COL22A1: variants seen among roughly 807,000 people sequenced by gnomAD.
COL22A1 encodes the protein collagen alpha-1(XXII) chain.
Under a neutral mutation model 248.9 loss-of-function variants are expected in COL22A1, and 221 were observed. That is an observed-to-expected ratio of 0.89 (90% confidence interval 0.80 to 0.99). The LOEUF is 0.99. Among genes scored for constraint, COL22A1 ranks in the 50% least tolerant of loss-of-function variants. The pLI, the probability that COL22A1 is intolerant of heterozygous loss-of-function variation, is 0.00. For synonymous variants in COL22A1, 891 were observed against 793.4 expected, an observed-to-expected ratio of 1.12 and a Z score of -2.07; for missense variants, 2,240 against 2,179.0, an observed-to-expected ratio of 1.03 and a Z score of -0.56.
At chr8:138,708,986 C>A (rs1244184789) in intron 30 of COL22A1, among the ~76,000 whole-genome samples, 1 of 152,148 alleles carries the variant, frequency 6.6e-6, no homozygotes, top group Non-Finnish European at 1.5e-5. Context: ...AGGATATGAA[C>A]AGACACTTCT....
At chr8:138,899,507 G>A (rs186650722) in intron 1 of COL22A1, among the ~76,000 whole-genome samples, 20 of 152,118 alleles carry the variant, frequency 1.3e-4, no homozygotes, top group South Asian at 1.2e-3. Context: ...GCATTAATAC[G>A]TCTTTGCTAT....
At chr8:138,776,412 G>A (rs908720956) in intron 15 of COL22A1, among the ~76,000 whole-genome samples, 1 of 152,118 alleles carries the variant, frequency 6.6e-6, no homozygotes, top group African/African-American at 2.4e-5. Context: ...GGGTCCCAAC[G>A]TTGAATCAGA....
intron 4 of COL22A1, among the ~76,000 whole-genome samples, chr8:138,833,538 G>GACA (rs1820211424): frequency 6.6e-6 from 1 of 152,226 alleles, no homozygotes; most frequent in Non-Finnish European, 1.5e-5. Flanking sequence ...GCCACTCACG[G>GACA]CTTTCCTTCC....
intron 49 of COL22A1, among the ~76,000 whole-genome samples, chr8:138,630,965 G>C (rs1820671879): frequency 6.6e-6 from 1 of 152,142 alleles, no homozygotes; most frequent in African/African-American, 2.4e-5. Flanking sequence ...CAATCCCCTT[G>C]GTGATAAGTG....
chr8:138,591,367 T>A lies in COL22A1; in HGVS notation c.4693+57A>T. The A allele has an allele frequency of 2.2e-6, 3 of 1,338,008 alleles. No homozygotes were observed. In the South Asian group the frequency reaches 4.8e-5, roughly 21 times the overall value. 82.9% of individuals were successfully genotyped at this position (1,338,008 alleles called of 1,614,324 possible). A position where few individuals can be genotyped will look rare whatever the true frequency, so the allele number is the denominator to read the frequency against. On this transcript the variant is annotated intron_variant, in intron 64 of 64. Coordinates refer to ENST00000303045, the MANE Select transcript of COL22A1 (RefSeq NM_152888.3). The stretch of plus-strand genomic sequence containing the variant: ...AGTCCTGTGGGGCCACGGGCAGGGG[T>A]GCTGGGTCTCCAGGGTAGCTCACAC...
intron 47 of COL22A1, among the ~76,000 whole-genome samples, chr8:138,637,693 T>C (rs1191293416): frequency 6.6e-6 from 1 of 152,200 alleles, no homozygotes; most frequent in Non-Finnish European, 1.5e-5. Context: ...AATAGTATCT[T>C]TGTCATGGGG....
intron 1 of COL22A1, among the ~76,000 whole-genome samples, chr8:138,899,433 A>C (rs1814380914): frequency 6.6e-6 from 1 of 152,230 alleles, no homozygotes; most frequent in Non-Finnish European, 1.5e-5. Context: ...TCAAGGGTTC[A>C]GTCAGTGCTG....
intron 3 of COL22A1, among the ~76,000 whole-genome samples, chr8:138,856,238 A>G (rs1031168558): frequency 2.2e-4 from 33 of 152,112 alleles, no homozygotes; most frequent in African/African-American, 7.5e-4. Flanking sequence ...CTGTGTGAGC[A>G]CTCCCAACAG....
At chr8:138,765,534 TC>T (rs1833846293) in intron 16 of COL22A1, among the ~76,000 whole-genome samples, 1 of 152,182 alleles carries the variant, frequency 6.6e-6, no homozygotes, top group African/African-American at 2.4e-5. Context: ...GAGGCGGACA[TC>T]CGGGCCTGAG....
intron 3 of COL22A1, among the ~76,000 whole-genome samples, chr8:138,869,823 AAACCCAC>A (rs1823181383): frequency 6.6e-6 from 1 of 152,144 alleles, no homozygotes; most frequent in African/African-American, 2.4e-5. Context: ...TGGCGGCTCC[AAACCCAC>A]AACCCACACT....
Position 138,631,245 on chromosome 8 carries a change from A to G in COL22A1, c.3610-497T>C, listed in dbSNP as rs553237327. Reference sequence around the variant, plus strand: ...TAAAAACATCCTAATATAGCAACACACAGATCTTACATTCTGTGCCCCTTC... The same window carrying G: ...TAAAAACATCCTAATATAGCAACACGCAGATCTTACATTCTGTGCCCCTTC... On this transcript the variant is annotated intron_variant, in intron 49 of 64. Coordinates refer to ENST00000303045, the MANE Select transcript of COL22A1 (RefSeq NM_152888.3). Among the ~76,000 whole-genome samples, 18 of 152,294 alleles carry G rather than the reference A, an allele frequency of 1.2e-4. No homozygotes were observed. In the South Asian group the frequency reaches 3.7e-3, roughly 32 times the overall value.
intron 25 of COL22A1, among the ~76,000 whole-genome samples, chr8:138,722,850 C>CGGGGGGGGGGGG (rs1171912230): frequency 8.4e-5 from 1 of 11,846 alleles, no homozygotes. Flanking sequence ...CACATGGGGG[C>CGGGGGGGGGGGG]GGGGGGGGGG....
At chr8:138,711,051 G>A (rs1329505555) in intron 30 of COL22A1, among the ~76,000 whole-genome samples, 1 of 152,202 alleles carries the variant, frequency 6.6e-6, no homozygotes, top group African/African-American at 2.4e-5. Flanking sequence ...TGTGGACAAG[G>A]GAAGAACAGC....
intron 16 of COL22A1, among the ~76,000 whole-genome samples, chr8:138,765,921 G>C (rs912202190): frequency 3.3e-5 from 5 of 152,218 alleles, no homozygotes; most frequent in Non-Finnish European, 7.3e-5. Context: ...GCTGATGGGA[G>C]AACAGTGTAA....
intron 11 of COL22A1, 37 bp downstream of exon 11, chr8:138,802,835 G>A: frequency 1.3e-6 from 2 of 1,566,704 alleles, no homozygotes; most frequent in Non-Finnish European, 1.8e-6. Flanking sequence ...CGCCCGCCCT[G>A]AGGTTCAGCC....
chr8:138,883,967 A>T (rs1465825990), intron 1 of COL22A1, among the ~76,000 whole-genome samples: 1 of 152,108 alleles, frequency 6.6e-6, no homozygotes, highest in Non-Finnish European at 1.5e-5. Flanking sequence ...CACCCTGTCC[A>T]GCCTGGCCTC....
intron 23 of COL22A1, among the ~76,000 whole-genome samples, chr8:138,728,498 C>CT (rs886582264): frequency 6.6e-5 from 10 of 152,002 alleles, no homozygotes; most frequent in African/African-American, 2.4e-4. Flanking sequence ...GTGTTTTATG[C>CT]TTTTTCAAAA....
At chr8:138,762,189 C>T (rs1833543448) in intron 17 of COL22A1, among the ~76,000 whole-genome samples, 1 of 152,176 alleles carries the variant, frequency 6.6e-6, no homozygotes, top group African/African-American at 2.4e-5. Context: ...CACCACCTTA[C>T]CTGATGTAAA....
At chr8:138,834,169 T>G (rs1820261776) in intron 4 of COL22A1, among the ~76,000 whole-genome samples, 1 of 152,092 alleles carries the variant, frequency 6.6e-6, no homozygotes. Flanking sequence ...TCTCAGACAC[T>G]GGGGAAAGCT....
Sources: allele counts gnomAD v4.1 joint callset (sites outside exome capture counted in the v4.1 genomes callset), GRCh38; gene constraint gnomAD v4.1.1; transcripts MANE v1.5; gene names NCBI Gene and HGNC (gene_info 2026-07-23, HGNC 2026-07-21).